ZNF99: variants seen among roughly 807,000 people sequenced by gnomAD.
The protein encoded by ZNF99 is zinc finger protein ENSP00000375192.
In ZNF99, 8 loss-of-function variants were observed where a neutral mutation model predicts 12.8. That is an observed-to-expected ratio of 0.62 (90% CI 0.37 to 1.13). The LOEUF (loss-of-function observed/expected upper bound fraction) is 1.13. Among genes scored for constraint, ZNF99 ranks in the 50% most tolerant of loss-of-function variants. ZNF99 has a pLI of 0.02. For synonymous variants in ZNF99, 318 were observed against 319.0 expected, an observed-to-expected ratio of 1.00 and a Z score of 0.03; for missense variants, 1,007 against 1,006.2, an observed-to-expected ratio of 1.00 and a Z score of -0.01.
chr19:22,780,312 G>A (rs751905946), intron 1 of ZNF99, among the ~76,000 whole-genome samples: 4 of 152,122 alleles, frequency 2.6e-5, no homozygotes, highest in Non-Finnish European at 4.4e-5. Context: ...AAATTTTAAG[G>A]TGCTTACACT....
chr19:22,762,234 T>C (rs533169012), intron 3 of ZNF99, among the ~76,000 whole-genome samples: 67 of 152,156 alleles, frequency 4.4e-4, no homozygotes, highest in Non-Finnish European at 7.8e-4. Flanking sequence ...ATACAATTGA[T>C]AGACCATTAG....
intron 1 of ZNF99, chr19:22,770,508 C>T (rs1599446612): frequency 6.6e-6 from 1 of 152,444 alleles, no homozygotes; most frequent in Non-Finnish European, 1.5e-5. Context: ...AGGCGCGTGC[C>T]ACCACGCGCA....
rs547065416 is a variant in ZNF99, at chr19:22,755,803, T to C, written c.*1511A>G. The C allele has an allele frequency of 1.8e-5, 6 of 329,024 alleles. No individual in the cohort carries two copies. The highest frequency in any genetic ancestry group is 8.7e-5 in the South Asian group (3 of 34,292). The allele number at this position is 329,024 out of a possible 1,614,324, so 20.4% of individuals were successfully genotyped here. A position where few individuals can be genotyped will look rare whatever the true frequency, so the allele number is the denominator to read the frequency against. Reference sequence around the variant, plus strand: ...ACATTTGAAGGGTTTATCTTCAGTATGAATTATCTTACATTCAGTAAGATT... The same window carrying C: ...ACATTTGAAGGGTTTATCTTCAGTACGAATTATCTTACATTCAGTAAGATT... On this transcript the variant is annotated 3_prime_UTR_variant, in exon 4 of 4. Transcript: ENST00000596209.
Position 22,758,818 on chromosome 19 carries a change from G to A in ZNF99, c.1091C>T (p.Thr364Ile), listed in dbSNP as rs1299290769. Residue 364 changes from threonine to isoleucine, a missense_variant, in exon 4 of 4, where the codon ACT becomes ATT. Physicochemically the swap from Thr to Ile is moderately conservative, Grantham distance 89. Transcript: ENST00000596209. ...TTCATATTTGTAGGGTTTCTCTTCA[G>A]TATGAATTATCTCATGTTTTCTAAG... ...STLRKHEIIH[T>I]EEKPYKYEEC... 2 of 1,606,114 alleles carry A rather than the reference G, an allele frequency of 1.2e-6. No individual in the cohort carries two copies. The highest frequency in any genetic ancestry group is 2.3e-5 in the East Asian group (1 of 44,382).
rs10402570 is a variant in ZNF99, at chr19:22,772,664, C to T, written c.4-3340G>A. On this transcript the variant is annotated intron_variant, in intron 1 of 3. Transcript: ENST00000596209. ...TGCACTCCAGCCTGGGCAACAAGAA[C>T]GAAATTCTGTCTCAAAAAAAAAAAA... Among the ~76,000 whole-genome samples, 12 of 145,884 alleles carry T rather than the reference C, an allele frequency of 8.2e-5. No individual in the cohort carries two copies. The East Asian group carries it at 9.9e-4, about 12-fold the overall frequency.
At position 22,754,836 on chromosome 19, in the gene ZNF99, G is replaced by A. The variant is rs55730636; in HGVS notation, c.*2478C>T. 15,609 of 185,976 alleles carry A rather than the reference G, an allele frequency of 0.084. 669 individuals carry two copies. The highest frequency in any genetic ancestry group is 0.1 in the Admixed American group (1,752 of 17,396). The allele number at this position is 185,976 out of a possible 1,614,324, so 11.5% of individuals were successfully genotyped here. A position where few individuals can be genotyped will look rare whatever the true frequency, so the allele number is the denominator to read the frequency against. On this transcript the variant is annotated 3_prime_UTR_variant, in exon 4 of 4. Transcript: ENST00000596209. ...TTTAATCCCAGCACTTTGGGAGGCCGAGGCGGGCAGATCACCAGAGGTCGG... is the reference window on the plus strand; with the variant it reads ...TTTAATCCCAGCACTTTGGGAGGCCAAGGCGGGCAGATCACCAGAGGTCGG...
chr19:22,772,062 G>A (rs1383458935), intron 1 of ZNF99, among the ~76,000 whole-genome samples: 1 of 151,626 alleles, frequency 6.6e-6, no homozygotes, highest in Non-Finnish European at 1.5e-5. Flanking sequence ...AAAAATCTGA[G>A]GAAACATAGA....
Position 22,758,738 on chromosome 19 carries a change from G to T in ZNF99, c.1171C>A (p.His391Asn). 1 of 1,613,648 alleles carries T rather than the reference G, an allele frequency of 6.2e-7. No homozygotes were observed. The highest frequency in any genetic ancestry group is 8.5e-7 in the Non-Finnish European group (1 of 1,179,766). ...CATTTGTAGGGTTTCTGTCCAGTAT[G>T]AATTATCTCATGTTTTCTAAGGGCT... ...LSALRKHEII[H>N]TGQKPYKCEE... Residue 391 changes from histidine (H) to asparagine (N), a missense_variant, in exon 4 of 4, where the codon CAT (histidine) becomes AAT (asparagine). Transcript: ENST00000596209.
At position 22,763,626 on chromosome 19, in the gene ZNF99, T is replaced by A. The variant is rs1357650290; in HGVS notation, c.227-3944A>T. ...TCATTCTTCACAGAATTAGAAAAAA[T>A]TATTCTAAAATCCATATGGAACAAA... On this transcript the variant is annotated intron_variant, in intron 3 of 3. Coordinates refer to ENST00000596209, the MANE Select transcript of ZNF99 (RefSeq NM_001080409.3). Among the ~76,000 whole-genome samples, 3 of 151,860 alleles carry A rather than the reference T, an allele frequency of 2.0e-5. No individual in the cohort carries two copies. The East Asian group carries it at 5.8e-4, about 29-fold the overall frequency.
chr19:22,774,792 C>T (rs1287793766), intron 1 of ZNF99, among the ~76,000 whole-genome samples: 29 of 152,202 alleles, frequency 1.9e-4, no homozygotes, highest in South Asian at 1.2e-3. Context: ...ATAGCTTGAA[C>T]CCGGAAGACA....
Position 22,754,078 on chromosome 19 carries a change from C to T in ZNF99, c.*3236G>A, listed in dbSNP as rs1299620242. ...TATTAAAAACTTTGCCACATTCGAC[C>T]GGGCTCAATGGCTCATGCTTGTAAT... On this transcript the variant is annotated 3_prime_UTR_variant, in exon 4 of 4. Transcript: ENST00000596209. 1.7e-4 allele frequency: 78 copies of T among 454,790 alleles called. 1 individual carries two copies. Among genetic ancestry groups the T allele is most frequent in the Admixed American group, 1.6e-3 (70 of 42,482 alleles). The allele number at this position is 454,790 out of a possible 1,614,324, so 28.2% of individuals were successfully genotyped here.
At chr19:22,765,653 G>C (rs992524467) in intron 3 of ZNF99, among the ~76,000 whole-genome samples, 6 of 151,240 alleles carry the variant, frequency 4.0e-5, no homozygotes, top group African/African-American at 1.2e-4. Context: ...AAAATGAAAG[G>C]TAAGGGTGTT....
chr19:22,764,582 T>C (rs1449290629), intron 3 of ZNF99, among the ~76,000 whole-genome samples: 3 of 151,560 alleles, frequency 2.0e-5, no homozygotes, highest in African/African-American at 7.3e-5. Context: ...TCACAATCTA[T>C]ACACCTGACA....
chr19:22,774,276 GA>G (rs1175454696), intron 1 of ZNF99: 1 of 152,712 alleles, frequency 6.5e-6, no homozygotes, highest in Non-Finnish European at 1.5e-5. Context: ...CTCAGCATGA[GA>G]AACATGAGCA....
intron 1 of ZNF99, among the ~76,000 whole-genome samples, chr19:22,780,691 CAA>C (rs34311189): frequency 1.8e-4 from 20 of 111,786 alleles, no homozygotes; most frequent in Non-Finnish European, 1.8e-4. Context: ...AACTCTGTTT[CAA>C]AAAAAAAAAA....
intron 1 of ZNF99, among the ~76,000 whole-genome samples, chr19:22,776,504 A>G (rs1431809731): frequency 1.6e-5 from 2 of 128,364 alleles, no homozygotes; most frequent in African/African-American, 2.7e-5. Context: ...TCACTACAGA[A>G]AAGCAAAGAA....
At chr19:22,783,962 G>A in intron 1 of ZNF99, 52 bp downstream of exon 1, 1 of 1,613,022 alleles carries the variant, frequency 6.2e-7, no homozygotes, top group African/African-American at 1.3e-5. Flanking sequence ...ACTTTCCACC[G>A]GTTCCAGTCA....
rs1373128997 is a variant in ZNF99 at position 22,754,002 on chromosome 19, T to C, written c.*3312A>G. 4.4e-6 allele frequency: 2 copies of C among 455,938 alleles called. No individual in the cohort carries two copies. Among genetic ancestry groups the C allele is most frequent in the Admixed American group, 2.3e-5 (1 of 42,558 alleles). The allele number at this position is 455,938 out of a possible 1,614,324, so 28.2% of individuals were successfully genotyped here. On this transcript the variant is annotated 3_prime_UTR_variant, in exon 4 of 4. Transcript: ENST00000596209. ...AAGTTTAAGGTGTTCTCAAGAGCAC[T>C]GTCATGTCTTTTAGGTTTGTAGAGC...
Position 22,784,115 on chromosome 19 carries a change from G to A in ZNF99, c.-99C>T. The A allele has an allele frequency of 2.2e-6, 3 of 1,374,880 alleles. No homozygotes were observed. Among genetic ancestry groups the A allele is most frequent in the African/African-American group, 1.5e-5 (1 of 68,686 alleles). The allele number at this position is 1,374,880 out of a possible 1,614,324, so 85.2% of individuals were successfully genotyped here. On this transcript the variant is annotated 5_prime_UTR_variant, in exon 1 of 4. Transcript: ENST00000596209. ...GCTAAGGACACAGAGCAGTAAAAAC[G>A]AGATCCGGAGCTCCAGCTGGAACCA...
Sources: allele counts gnomAD v4.1 joint callset (sites outside exome capture counted in the v4.1 genomes callset), GRCh38; gene constraint gnomAD v4.1.1; transcripts MANE v1.5; gene names NCBI Gene and HGNC (gene_info 2026-07-23, HGNC 2026-07-21).